Variants in PCDHGB4 observed in about 807,000 individuals in gnomAD.
The protein encoded by PCDHGB4 is protocadherin gamma subfamily B, 4, also known as protocadherin gamma-B4.
A neutral mutation model predicts 60.5 loss-of-function variants in PCDHGB4; 38 were observed. The observed-to-expected ratio is 0.63, with a 90% CI of 0.48 to 0.82. The LOEUF (loss-of-function observed/expected upper bound fraction) is 0.82. Ranked by LOEUF, PCDHGB4 falls within the 40% of genes least tolerant of loss-of-function variation. The pLI is 0.00. For missense variants in PCDHGB4, 1,109 were observed against 1,209.6 expected (o/e 0.92, Z 1.23); for synonymous variants, 456 against 509.7 (o/e 0.89, Z 1.42).
intron 1 of PCDHGB4, chr5:141,393,977 T>C (rs1014126865): frequency 1.9e-6 from 3 of 1,613,870 alleles, no homozygotes; most frequent in Non-Finnish European, 2.5e-6. Flanking sequence ...ACACACGTGA[T>C]AATTTACCTT....
At position 141,485,060 on chromosome 5, in the gene PCDHGB4, G is replaced by A. The variant is rs191055161; in HGVS notation, c.2398-9747G>A. 155 of 862,304 alleles carry A rather than the reference G, an allele frequency of 1.8e-4. No individual in the cohort carries two copies. The African/African-American group carries it at 2.3e-3, about 13-fold the overall frequency. 53.4% of individuals were successfully genotyped at this position (862,304 alleles called of 1,614,324 possible). ...ACCCTTGCGGCGCCGGCCGAACCGCGCCAGAGCTGGCGCGGGGAAAGGGAG... is the reference window on the plus strand; with the variant it reads ...ACCCTTGCGGCGCCGGCCGAACCGCACCAGAGCTGGCGCGGGGAAAGGGAG... On this transcript the variant is annotated intron_variant, in intron 1 of 3. Transcript: ENST00000519479. This position sits in a 1 kb window ranked among gnomAD's most constrained non-coding sequence, Gnocchi z 5.7.
At chr5:141,433,926 A>T (rs2154556019) in intron 1 of PCDHGB4, among the ~76,000 whole-genome samples, 1 of 151,830 alleles carries the variant, frequency 6.6e-6, no homozygotes, top group African/African-American at 2.4e-5. Context: ...CCAAATGAAG[A>T]TTTTATAATT....
chr5:141,455,817 A>G (rs1251279680), intron 1 of PCDHGB4, among the ~76,000 whole-genome samples: 3 of 151,882 alleles, frequency 2.0e-5, no homozygotes, highest in Non-Finnish European at 4.4e-5. Flanking sequence ...AAAACTTCCC[A>G]AGGACCCCTT....
In PCDHGB4 at chr5:141,511,335, A is replaced by T; in HGVS notation, c.*162A>T. 7.0e-7 allele frequency: 1 copy of T among 1,438,820 alleles called. No homozygotes were observed. The highest frequency in any genetic ancestry group is 9.2e-7 in the Non-Finnish European group (1 of 1,083,596). The allele number at this position is 1,438,820 out of a possible 1,614,324, so 89.1% of individuals were successfully genotyped here. A position where few individuals can be genotyped will look rare whatever the true frequency, so the allele number is the denominator to read the frequency against. On this transcript the variant is annotated 3_prime_UTR_variant, in exon 4 of 4. Coordinates refer to ENST00000519479, the MANE Select transcript of PCDHGB4 (RefSeq NM_003736.4). ...AAACAGAAACAAGTGCCCAGTCAGC[A>T]CCTACCCCTTCCCCCCCAGGGGGTT...
chr5:141,500,493 G>A (rs1239876467), intron 2 of PCDHGB4, among the ~76,000 whole-genome samples: 1 of 152,166 alleles, frequency 6.6e-6, no homozygotes, highest in Admixed American at 6.5e-5. Context: ...ACAGGCGTGA[G>A]CCACCGCGCC....
chr5:141,487,643 C>T lies in PCDHGB4; in HGVS notation c.2398-7164C>T. 1.2e-6 allele frequency: 2 copies of T among 1,614,104 alleles called. No homozygotes were observed. The highest frequency in any genetic ancestry group is 1.7e-6 in the Non-Finnish European group (2 of 1,179,986). Reference sequence around the variant, plus strand: ...GAGACCTTTGCAGGCTCAACAAATGCTTGAGGGTTATTCTGATCCAGGCAT... The same window carrying T: ...GAGACCTTTGCAGGCTCAACAAATGTTTGAGGGTTATTCTGATCCAGGCAT... On this transcript the variant is annotated intron_variant, in intron 1 of 3. Transcript: ENST00000519479. The surrounding 1 kb of genome is among the most constrained non-coding windows in gnomAD (Gnocchi z 5.0).
chr5:141,478,319 T>A, intron 1 of PCDHGB4: 4 of 1,614,052 alleles, frequency 2.5e-6, no homozygotes, highest in Non-Finnish European at 3.4e-6. Flanking sequence ...GAGCTCACTG[T>A]ACCGAACACC....
chr5:141,495,921 T>C (rs959070876), intron 2 of PCDHGB4, among the ~76,000 whole-genome samples: 1 of 152,196 alleles, frequency 6.6e-6, no homozygotes, highest in Non-Finnish European at 1.5e-5. Context: ...TCTTTCTTTG[T>C]CTCTGTCTCT....
chr5:141,474,321 A>G (rs75620387), intron 1 of PCDHGB4, among the ~76,000 whole-genome samples: 2,046 of 152,326 alleles, frequency 0.013, 15 homozygotes, highest in Middle Eastern at 0.034. Context: ...GTGTTTTCAA[A>G]TCACCCTGAT....
At chr5:141,408,959 G>A (rs1434961395) in intron 1 of PCDHGB4, 1 of 1,613,722 alleles carries the variant, frequency 6.2e-7, no homozygotes, top group East Asian at 2.2e-5. Context: ...TAGTCTTAGT[G>A]AAAATCTGCC....
intron 2 of PCDHGB4, among the ~76,000 whole-genome samples, chr5:141,498,882 G>A (rs1287566657): frequency 6.8e-6 from 1 of 147,420 alleles, no homozygotes; most frequent in African/African-American, 2.5e-5. Context: ...GCAGTGAGCT[G>A]AGATCACACC....
intron 1 of PCDHGB4, chr5:141,440,531 C>G (rs931337116): frequency 6.6e-6 from 1 of 152,272 alleles, no homozygotes; most frequent in Middle Eastern, 3.4e-3. Flanking sequence ...GAATCATGCA[C>G]CACGGTTCAG....
In PCDHGB4 at chr5:141,389,893, T is replaced by TGCCGGATATCACTGACC; in HGVS notation, c.2013_2029dup (p.Pro677ArgfsTer20). On this transcript the variant is annotated frameshift_variant, in exon 1 of 4. Transcript: ENST00000519479. LOFTEE classifies it high-confidence loss of function. ...TTCGCCGACAGCTTGCAGGAGGTGC[T>TGCCGGATATCACTGACC]GCCGGATATCACTGACCGCCCCGAC... The TGCCGGATATCACTGACC allele has an allele frequency of 6.2e-7, 1 of 1,614,094 alleles. No individual in the cohort carries two copies. The highest frequency in any genetic ancestry group is 8.5e-7 in the Non-Finnish European group (1 of 1,179,908).
At chr5:141,409,631 T>C (rs773588699) in intron 1 of PCDHGB4, 27 of 1,613,698 alleles carry the variant, frequency 1.7e-5, no homozygotes, top group Non-Finnish European at 2.2e-5. Context: ...AGTGAGCGCC[T>C]CTGACCCGGA....
chr5:141,452,449 T>G (rs1482580788), intron 1 of PCDHGB4, among the ~76,000 whole-genome samples: 1 of 152,224 alleles, frequency 6.6e-6, no homozygotes, highest in South Asian at 2.1e-4. Flanking sequence ...TTCTAGGCCT[T>G]GTCAGCAGAC....
chr5:141,454,281 A>C (rs1048947689), intron 1 of PCDHGB4, among the ~76,000 whole-genome samples: 2 of 152,242 alleles, frequency 1.3e-5, no homozygotes, highest in African/African-American at 4.8e-5. Context: ...AAAACTTCAC[A>C]TTAAAGGAAC....
At position 141,485,135 on chromosome 5, in the gene PCDHGB4, G is replaced by A; in HGVS notation, c.2398-9672G>A. 6.7e-7 allele frequency: 1 copy of A among 1,500,498 alleles called. No individual in the cohort carries two copies. Among genetic ancestry groups the A allele is most frequent in the East Asian group, 2.3e-5 (1 of 44,254 alleles). 92.9% of individuals were successfully genotyped at this position (1,500,498 alleles called of 1,614,324 possible). A position where few individuals can be genotyped will look rare whatever the true frequency, so the allele number is the denominator to read the frequency against. On this transcript the variant is annotated intron_variant, in intron 1 of 3. Coordinates refer to ENST00000519479, the MANE Select transcript of PCDHGB4 (RefSeq NM_003736.4). The surrounding 1 kb of genome is among the most constrained non-coding windows in gnomAD (Gnocchi z 5.7). ...TGTTTGGGGCGGGTCGGCTTCATCCGCGTCTCAGGAGCAAGTAGAGAATTA... is the reference window on the plus strand; with the variant it reads ...TGTTTGGGGCGGGTCGGCTTCATCCACGTCTCAGGAGCAAGTAGAGAATTA...
intron 1 of PCDHGB4, among the ~76,000 whole-genome samples, chr5:141,433,974 C>A (rs1045247496): frequency 6.6e-6 from 1 of 152,026 alleles, no homozygotes; most frequent in Non-Finnish European, 1.5e-5. Context: ...GGCTTTCTAC[C>A]TTGAAGAAGA....
intron 1 of PCDHGB4, chr5:141,414,606 A>C: frequency 6.2e-7 from 1 of 1,613,944 alleles, no homozygotes; most frequent in Non-Finnish European, 8.5e-7. Flanking sequence ...CCATCTTCTC[A>C]GTGACAGCGC....
Sources: gnomAD v4.1 joint callset for allele counts (sites outside exome capture counted in the v4.1 genomes callset) on GRCh38, gnomAD v4.1.1 for gene constraint, Gnocchi (gnomAD v3.1) non-coding constraint, MANE v1.5 for transcripts, NCBI Gene and HGNC (gene_info 2026-07-23, HGNC 2026-07-21) for gene names.